Variants in CSMD3 observed in about 807,000 individuals in gnomAD.
CSMD3 encodes CUB and sushi domain-containing protein 3.
CSMD3 carries 177 observed loss-of-function variants against 435.2 expected under a neutral mutation model. That is an observed-to-expected ratio of 0.41 (90% CI 0.36 to 0.46). The LOEUF (loss-of-function observed/expected upper bound fraction) is 0.46. Among genes scored for constraint, CSMD3 ranks in the 20% least tolerant of loss-of-function variants. CSMD3 has a pLI of 0.34. For missense variants in CSMD3, 4,265 were observed against 4,504.6 expected, an observed-to-expected ratio of 0.95 and a Z score of 1.52; for synonymous variants, 1,656 against 1,520.5, an observed-to-expected ratio of 1.09 and a Z score of -2.07.
chr8:113,194,361 ACT>A, intron 3 of CSMD3, among the ~76,000 whole-genome samples: 1 of 151,430 alleles, frequency 6.6e-6, no homozygotes, highest in African/African-American at 2.4e-5. Flanking sequence ...CACAGAGTGT[ACT>A]CAACAAACAA....
At chr8:112,846,297 T>C (rs1027587066) in intron 11 of CSMD3, among the ~76,000 whole-genome samples, 2 of 146,916 alleles carry the variant, frequency 1.4e-5, no homozygotes, top group African/African-American at 4.9e-5. Context: ...CTCTCTCTCT[T>C]TCTCCTTTCC....
intron 4 of CSMD3, among the ~76,000 whole-genome samples, chr8:113,100,221 C>T (rs779208174): frequency 2.0e-5 from 3 of 152,042 alleles, no homozygotes; most frequent in Non-Finnish European, 2.9e-5. Context: ...TTTTATCACA[C>T]ACTAAATATA....
At chr8:113,088,475 G>A (rs2089884241) in intron 5 of CSMD3, among the ~76,000 whole-genome samples, 1 of 149,294 alleles carries the variant, frequency 6.7e-6, no homozygotes, top group Admixed American at 6.7e-5. Context: ...GTCCAACAAT[G>A]ATAGACTGGA....
chr8:113,086,753 C>T (rs995657099), intron 5 of CSMD3, among the ~76,000 whole-genome samples: 4 of 152,006 alleles, frequency 2.6e-5, no homozygotes, highest in African/African-American at 4.8e-5. Flanking sequence ...ATTGGTTTTT[C>T]TTGAGTTATA....
At chr8:112,367,584 C>A (rs1221657293) in intron 38 of CSMD3, among the ~76,000 whole-genome samples, 1 of 152,172 alleles carries the variant, frequency 6.6e-6, no homozygotes, top group Admixed American at 6.5e-5. Flanking sequence ...TCAATTATAT[C>A]TTATTAATAT....
chr8:112,299,837 G>A (rs1364237001), intron 53 of CSMD3, among the ~76,000 whole-genome samples: 1 of 151,808 alleles, frequency 6.6e-6, no homozygotes, highest in Non-Finnish European at 1.5e-5. Context: ...TATAAACACT[G>A]TATTCTCTAC....
intron 12 of CSMD3, among the ~76,000 whole-genome samples, chr8:112,823,696 T>C (rs147171698): frequency 9.2e-5 from 14 of 152,186 alleles, no homozygotes; most frequent in Admixed American, 7.9e-4. Context: ...CTGTTTGTTA[T>C]GATTTCAGTT....
intron 41 of CSMD3, among the ~76,000 whole-genome samples, chr8:112,343,589 G>C (rs144095546): frequency 6.6e-6 from 1 of 152,008 alleles, no homozygotes; most frequent in Non-Finnish European, 1.5e-5. Flanking sequence ...TCTTTCACAC[G>C]TCCTGCAGCA....
intron 70 of CSMD3, among the ~76,000 whole-genome samples, chr8:112,226,543 G>A (rs1259403971): frequency 6.6e-6 from 1 of 151,868 alleles, no homozygotes; most frequent in Non-Finnish European, 1.5e-5. Flanking sequence ...GTACAAGTAA[G>A]AGGAAAAAAA....
chr8:113,194,520 G>A (rs1401124378), intron 3 of CSMD3, among the ~76,000 whole-genome samples: 2 of 151,408 alleles, frequency 1.3e-5, no homozygotes, highest in East Asian at 3.9e-4. Flanking sequence ...ATGACACCAA[G>A]AGTAAACTCT....
At chr8:112,460,836 C>A (rs1333288201) in intron 32 of CSMD3, among the ~76,000 whole-genome samples, 1 of 152,012 alleles carries the variant, frequency 6.6e-6, no homozygotes. Context: ...TCAGCAAAAG[C>A]CGCTAGGTTG....
chr8:113,271,850 C>G (rs979383126), intron 3 of CSMD3, among the ~76,000 whole-genome samples: 3 of 152,130 alleles, frequency 2.0e-5, no homozygotes, highest in Non-Finnish European at 4.4e-5. Context: ...TGAAAGCAAC[C>G]AGAAGTGGTG....
chr8:113,156,761 TAAA>T (rs1159072945), intron 4 of CSMD3, among the ~76,000 whole-genome samples: 2 of 150,162 alleles, frequency 1.3e-5, no homozygotes, highest in African/African-American at 2.4e-5. Flanking sequence ...AATAAATAAA[TAAA>T]TAAATAAATA....
At chr8:113,273,144 A>G (rs2093542583) in intron 3 of CSMD3, among the ~76,000 whole-genome samples, 1 of 151,994 alleles carries the variant, frequency 6.6e-6, no homozygotes, top group African/African-American at 2.4e-5. Context: ...TAATTATTAT[A>G]AAAATTAAAA....
chr8:112,519,745 T>A (rs898139366), intron 27 of CSMD3, among the ~76,000 whole-genome samples: 1 of 152,080 alleles, frequency 6.6e-6, no homozygotes, highest in African/African-American at 2.4e-5. Context: ...ATTGAGAAAA[T>A]CGAGGCTTAA....
intron 27 of CSMD3, among the ~76,000 whole-genome samples, chr8:112,538,273 T>G (rs1351326004): frequency 2.6e-5 from 4 of 152,106 alleles, no homozygotes; most frequent in African/African-American, 4.8e-5. Context: ...GCCTTTTTTC[T>G]AAGATCTGGA....
intron 6 of CSMD3, among the ~76,000 whole-genome samples, chr8:112,992,105 G>T (rs1296135581): frequency 6.6e-6 from 1 of 151,720 alleles, no homozygotes; most frequent in Admixed American, 6.6e-5. Flanking sequence ...AATGTTTAAG[G>T]TCTATAAAAT....
At chr8:112,535,254 T>C (rs1337122159) in intron 27 of CSMD3, among the ~76,000 whole-genome samples, 1 of 151,994 alleles carries the variant, frequency 6.6e-6, no homozygotes, top group African/African-American at 2.4e-5. Flanking sequence ...GATGACATGA[T>C]TGTATATCTA....
At chr8:113,425,255 A>G (rs1334189078) in intron 1 of CSMD3, among the ~76,000 whole-genome samples, 1 of 151,514 alleles carries the variant, frequency 6.6e-6, no homozygotes, top group African/African-American at 2.4e-5. Flanking sequence ...TACATAAAGC[A>G]TAATATTCTA....
Sources: gnomAD v4.1 joint callset for allele counts (sites outside exome capture counted in the v4.1 genomes callset) on GRCh38, gnomAD v4.1.1 for gene constraint, MANE v1.5 for transcripts, NCBI Gene and HGNC (gene_info 2026-07-23, HGNC 2026-07-21) for gene names.